The following KCNAB1 variants were observed in gnomAD, a reference collection of about 807,000 sequenced individuals.
KCNAB1 encodes potassium voltage-gated channel subfamily A regulatory beta subunit 1.
KCNAB1 carries 35 observed loss-of-function variants against 64.6 expected under a neutral mutation model. The observed-to-expected ratio is 0.54, with a 90% confidence interval of 0.41 to 0.72. The LOEUF (loss-of-function observed/expected upper bound fraction) is 0.72. Ranked by LOEUF, KCNAB1 falls within the 30% of genes least tolerant of loss-of-function variation. The pLI is 0.00. For missense variants in KCNAB1, 401 were observed against 512.9 expected, an observed-to-expected ratio of 0.78 and a Z score of 2.11; for synonymous variants, 177 against 183.8, an observed-to-expected ratio of 0.96 and a Z score of 0.30.
At chr3:156,163,598 A>G (rs904381823) in intron 1 of KCNAB1, among the ~76,000 whole-genome samples, 24 of 152,210 alleles carry the variant, frequency 1.6e-4, no homozygotes, top group Admixed American at 1.5e-3. Flanking sequence ...GCTTTTCTGT[A>G]TATTCAGCTA....
intron 1 of KCNAB1, among the ~76,000 whole-genome samples, chr3:156,357,715 C>A (rs1041747821): frequency 2.0e-5 from 3 of 151,374 alleles, no homozygotes; most frequent in Non-Finnish European, 4.4e-5. Flanking sequence ...ATAGTATTAT[C>A]ACTTCAATAT....
intron 1 of KCNAB1, among the ~76,000 whole-genome samples, chr3:156,377,413 G>A (rs553855760): frequency 3.3e-5 from 5 of 152,134 alleles, no homozygotes; most frequent in East Asian, 1.9e-4. Flanking sequence ...GGTGCTGCTC[G>A]TGGAAAACTG....
chr3:156,419,524 A>AG (rs1387896842), intron 1 of KCNAB1, among the ~76,000 whole-genome samples: 6 of 151,748 alleles, frequency 4.0e-5, no homozygotes, highest in Non-Finnish European at 7.4e-5. Context: ...AAAAAAAAAA[A>AG]AGAAAGAAAA....
chr3:156,427,775 A>T (rs943720050), intron 2 of KCNAB1, among the ~76,000 whole-genome samples: 1 of 152,150 alleles, frequency 6.6e-6, no homozygotes, highest in Non-Finnish European at 1.5e-5. Context: ...CCTACCACAT[A>T]CACAGGTGAT....
chr3:156,283,414 C>T (rs1402953743), intron 1 of KCNAB1, among the ~76,000 whole-genome samples: 1 of 150,116 alleles, frequency 6.7e-6, no homozygotes, highest in South Asian at 2.2e-4. Context: ...TCCTTCATTT[C>T]AACTTTGGTG....
At chr3:156,432,354 A>G (rs1009881251) in intron 2 of KCNAB1, among the ~76,000 whole-genome samples, 8 of 152,200 alleles carry the variant, frequency 5.3e-5, no homozygotes, top group African/African-American at 1.9e-4. Flanking sequence ...TCTCGTTTCT[A>G]TGTTTTTAAT....
At chr3:156,498,715 TC>T (rs892907286) in intron 8 of KCNAB1, among the ~76,000 whole-genome samples, 1 of 152,256 alleles carries the variant, frequency 6.6e-6, no homozygotes, top group African/African-American at 2.4e-5. Context: ...CTCAGTTGGT[TC>T]AGTTTACACA....
At chr3:156,467,153 A>G (rs1296538025) in intron 7 of KCNAB1, among the ~76,000 whole-genome samples, 1 of 152,166 alleles carries the variant, frequency 6.6e-6, no homozygotes, top group African/African-American at 2.4e-5. Context: ...ATTTTATAAT[A>G]AATTAAATGT....
At chr3:156,440,262 G>A (rs1240684704) in intron 2 of KCNAB1, among the ~76,000 whole-genome samples, 2 of 152,168 alleles carry the variant, frequency 1.3e-5, no homozygotes, top group African/African-American at 4.8e-5. Flanking sequence ...ATTTTTTGAT[G>A]TCTCTAGTTA....
intron 8 of KCNAB1, among the ~76,000 whole-genome samples, chr3:156,505,945 C>T (rs1049211070): frequency 6.6e-6 from 1 of 152,196 alleles, no homozygotes; most frequent in Non-Finnish European, 1.5e-5. Flanking sequence ...GATGCCAAAC[C>T]ATTCATGAGG....
At chr3:156,285,980 TGATTA>T (rs1720080034) in intron 1 of KCNAB1, among the ~76,000 whole-genome samples, 1 of 152,228 alleles carries the variant, frequency 6.6e-6, no homozygotes, top group South Asian at 2.1e-4. Flanking sequence ...ACCTATCCTT[TGATTA>T]ATTATGCTAT....
chr3:156,154,509 C>T lies in KCNAB1; in HGVS notation c.275+33623C>T, dbSNP rs534727587. On this transcript the variant is annotated intron_variant, in intron 1 of 13. Transcript: ENST00000490337. ...TTGGGATTCCTAGCTGACTCGTCCTCCTAGATAAATGCGCCAGAGGATTTT... is the reference window on the plus strand; with the variant it reads ...TTGGGATTCCTAGCTGACTCGTCCTTCTAGATAAATGCGCCAGAGGATTTT... Among the ~76,000 whole-genome samples, 23 of 152,204 alleles carry T rather than the reference C, an allele frequency of 1.5e-4. No homozygotes were observed. In the South Asian group the frequency reaches 4.6e-3, roughly 30 times the overall value.
chr3:156,438,914 T>C (rs1716783996), intron 2 of KCNAB1, among the ~76,000 whole-genome samples: 1 of 152,090 alleles, frequency 6.6e-6, no homozygotes. Flanking sequence ...CTCAGGAGGC[T>C]GAGGCAGGAG....
chr3:156,138,203 A>G (rs1056502990), intron 1 of KCNAB1, among the ~76,000 whole-genome samples: 13 of 152,226 alleles, frequency 8.5e-5, no homozygotes, highest in South Asian at 4.1e-4. Flanking sequence ...AGGAGGAGCA[A>G]TCCCTCTAGA....
intron 1 of KCNAB1, among the ~76,000 whole-genome samples, chr3:156,297,815 C>T (rs912814172): frequency 6.6e-6 from 1 of 151,020 alleles, no homozygotes. Context: ...TGCAAGTCTC[C>T]GTATGGGGAA....
intron 1 of KCNAB1, among the ~76,000 whole-genome samples, chr3:156,311,043 G>A (rs1406578043): frequency 6.6e-6 from 1 of 152,160 alleles, no homozygotes; most frequent in African/African-American, 2.4e-5. Context: ...AGAGGAGATG[G>A]TGTTCGAGGA....
At chr3:156,245,658 TGAAA>T (rs1314179023) in intron 1 of KCNAB1, among the ~76,000 whole-genome samples, 3 of 152,256 alleles carry the variant, frequency 2.0e-5, no homozygotes, top group South Asian at 4.1e-4. Context: ...CATCTTCTTC[TGAAA>T]GCTGAATGAC....
intron 1 of KCNAB1, among the ~76,000 whole-genome samples, chr3:156,391,145 T>C (rs1475723999): frequency 6.6e-6 from 1 of 152,102 alleles, no homozygotes; most frequent in Non-Finnish European, 1.5e-5. Flanking sequence ...AGGTCAACAA[T>C]GTAATGTGGC....
At chr3:156,278,981 A>G (rs1038487316) in intron 1 of KCNAB1, among the ~76,000 whole-genome samples, 2 of 151,768 alleles carry the variant, frequency 1.3e-5, no homozygotes, top group Non-Finnish European at 2.9e-5. Flanking sequence ...TATTTTTATT[A>G]TACTTTTAAG....
Sources: allele counts gnomAD v4.1 joint callset (sites outside exome capture counted in the v4.1 genomes callset), GRCh38; gene constraint gnomAD v4.1.1; transcripts MANE v1.5; gene names NCBI Gene and HGNC (gene_info 2026-07-23, HGNC 2026-07-21).